SWT1: variants seen among roughly 807,000 people sequenced by gnomAD.
SWT1 encodes SWT1 RNA endoribonuclease homolog.
In SWT1, 33 loss-of-function variants were observed where a neutral mutation model predicts 107.3. That is an observed-to-expected ratio of 0.31 (90% CI 0.23 to 0.41). SWT1 has a LOEUF of 0.41. Among genes scored for constraint, SWT1 ranks in the 10% least tolerant of loss-of-function variants. The probability of loss-of-function intolerance (pLI) is 1.00; values close to 1 mark genes in which losing one functional copy is unlikely to be tolerated. For missense variants in SWT1, 898 were observed against 1,028.9 expected, an observed-to-expected ratio of 0.87 and a Z score of 1.74; for synonymous variants, 345 against 348.3, an observed-to-expected ratio of 0.99 and a Z score of 0.11.
chr1:185,169,094 T>G (rs1654829370), intron 4 of SWT1, among the ~76,000 whole-genome samples: 1 of 152,176 alleles, frequency 6.6e-6, no homozygotes, highest in African/African-American at 2.4e-5. Flanking sequence ...TCAGTTAGTG[T>G]TTGCTAAAAA....
At chr1:185,227,008 T>G (rs1380775912) in intron 15 of SWT1, 2 of 887,422 alleles carry the variant, frequency 2.3e-6, no homozygotes, top group African/African-American at 1.6e-5. Context: ...TCTGGAGTTA[T>G]GCTGTTCTTT....
At chr1:185,163,449 A>G (rs1420231641) in intron 2 of SWT1, among the ~76,000 whole-genome samples, 1 of 148,790 alleles carries the variant, frequency 6.7e-6, no homozygotes, top group East Asian at 2.0e-4. Flanking sequence ...GCTGGAGTAC[A>G]GTGGTGCGAT....
rs568936968 is a variant in SWT1, at chr1:185,175,803, C to T, written c.966+690C>T. On this transcript the variant is annotated intron_variant, in intron 5 of 18. Coordinates refer to ENST00000367500, the MANE Select transcript of SWT1 (RefSeq NM_017673.7). ...AACAGTTTATTTTTTTCAGTGTCAC[C>T]GTGTACCAGGCACCACAATAAAATA... Among the ~76,000 whole-genome samples the T allele has an allele frequency of 8.9e-4, 135 of 152,158 alleles. 1 individual carries two copies. Among genetic ancestry groups the T allele is most frequent in the Non-Finnish European group, 1.6e-3 (112 of 68,002 alleles).
intron 11 of SWT1, among the ~76,000 whole-genome samples, chr1:185,204,184 A>G (rs999774233): frequency 7.2e-5 from 11 of 152,314 alleles, no homozygotes; most frequent in African/African-American, 2.4e-4. Context: ...GTGCTGAGGC[A>G]GGAGAATCTC....
rs1418615009 is a variant in SWT1, at chr1:185,166,582, A to G, written c.95A>G (p.Glu32Gly). 1 of 1,599,488 alleles carries G rather than the reference A, an allele frequency of 6.3e-7. No homozygotes were observed. Residue 32 changes from glutamate to glycine, a missense_variant, in exon 3 of 19, where the codon GAG (glutamate) becomes GGG (glycine). Transcript: ENST00000367500. ...SPNFGEKDKK[E>G]RKTPASSTSS... The stretch of plus-strand genomic sequence containing the variant: ...TTATTGCATTCTTAGGACAAGAAAG[A>G]GAGAAAAACCCCAGCAAGTTCTACT...
intron 16 of SWT1, chr1:185,257,810 T>G (rs1352379889): frequency 6.6e-6 from 1 of 152,284 alleles, no homozygotes; most frequent in African/African-American, 2.4e-5. Flanking sequence ...CTGTCCAATT[T>G]ATATATTTTT....
intron 5 of SWT1, among the ~76,000 whole-genome samples, chr1:185,178,942 C>T (rs1283142371): frequency 2.0e-5 from 3 of 152,176 alleles, no homozygotes; most frequent in South Asian, 4.1e-4. Context: ...AAGCTGAATT[C>T]TCAGTAAAGC....
At chr1:185,194,324 T>A (rs563250629) in intron 10 of SWT1, among the ~76,000 whole-genome samples, 7 of 152,304 alleles carry the variant, frequency 4.6e-5, no homozygotes, top group African/African-American at 1.7e-4. Flanking sequence ...TAATTTTCTA[T>A]TTGTTTTGTT....
chr1:185,161,156 T>C (rs1654112574), intron 2 of SWT1, among the ~76,000 whole-genome samples: 2 of 152,292 alleles, frequency 1.3e-5, no homozygotes, highest in African/African-American at 4.8e-5. Flanking sequence ...AACTGAGGCT[T>C]AGAGAGTAGT....
chr1:185,285,056 C>T (rs1438950464), intron 18 of SWT1, among the ~76,000 whole-genome samples: 1 of 152,082 alleles, frequency 6.6e-6, no homozygotes, highest in Non-Finnish European at 1.5e-5. Flanking sequence ...AGGCACTTCC[C>T]AGGTACCTCC....
chr1:185,206,578 G>A (rs1658351206), intron 12 of SWT1, 47 bp from the exon 13 acceptor site: 5 of 1,174,790 alleles, frequency 4.3e-6, no homozygotes, highest in Non-Finnish European at 5.7e-6. Flanking sequence ...TTTAATAATT[G>A]GAATAATAAA....
At chr1:185,264,110 G>C (rs940374652) in intron 16 of SWT1, 1 of 153,198 alleles carries the variant, frequency 6.5e-6, no homozygotes, top group Non-Finnish European at 1.4e-5. Flanking sequence ...TAGTCCCTGT[G>C]TTCCCTCCTG....
At chr1:185,260,005 C>A (rs1015445474) in intron 16 of SWT1, among the ~76,000 whole-genome samples, 1 of 152,152 alleles carries the variant, frequency 6.6e-6, no homozygotes, top group African/African-American at 2.4e-5. Flanking sequence ...TGTTATATAG[C>A]AAGAGTCATG....
chr1:185,175,496 G>A (rs987971451), intron 5 of SWT1, among the ~76,000 whole-genome samples: 12 of 152,318 alleles, frequency 7.9e-5, no homozygotes, highest in African/African-American at 2.9e-4. Flanking sequence ...CCAAAGTGCA[G>A]GGATTACAGA....
At chr1:185,177,955 C>T (rs1377321876) in intron 5 of SWT1, among the ~76,000 whole-genome samples, 1 of 152,054 alleles carries the variant, frequency 6.6e-6, no homozygotes, top group Non-Finnish European at 1.5e-5. Flanking sequence ...TTTCTAGGTA[C>T]TAGGTATTTA....
At chr1:185,249,741 G>A (rs182569839) in intron 16 of SWT1, among the ~76,000 whole-genome samples, 80 of 152,266 alleles carry the variant, frequency 5.3e-4, no homozygotes, top group African/African-American at 1.7e-3. Flanking sequence ...CCATGCACAT[G>A]TTGCTAGTAC....
chr1:185,185,681 A>G (rs1444229373), intron 9 of SWT1, among the ~76,000 whole-genome samples: 1 of 152,194 alleles, frequency 6.6e-6, no homozygotes, highest in Non-Finnish European at 1.5e-5. Flanking sequence ...GAAAGAATTC[A>G]TCTTAAGAGG....
intron 16 of SWT1, chr1:185,264,591 A>G (rs533658258): frequency 3.6e-4 from 121 of 334,326 alleles, no homozygotes; most frequent in Middle Eastern, 2.9e-3. Context: ...CATAAGTACT[A>G]TTGTTGTCCC....
chr1:185,194,106 C>G (rs553182519), intron 10 of SWT1, among the ~76,000 whole-genome samples: 1 of 152,250 alleles, frequency 6.6e-6, no homozygotes, highest in Non-Finnish European at 1.5e-5. Context: ...GCAACTATTT[C>G]AGCTTTCTTT....
Sources: allele counts gnomAD v4.1 joint callset (sites outside exome capture counted in the v4.1 genomes callset), GRCh38; gene constraint gnomAD v4.1.1; transcripts MANE v1.5; gene names NCBI Gene and HGNC (gene_info 2026-07-23, HGNC 2026-07-21).